GLYATL2: variants seen among roughly 807,000 people sequenced by gnomAD.
The protein encoded by GLYATL2 is glycine-N-acyltransferase like 2.
A neutral mutation model predicts 21.4 loss-of-function variants in GLYATL2; 25 were observed. The observed-to-expected ratio is 1.17, with a 90% CI of 0.85 to 1.63. GLYATL2 has a LOEUF of 1.63. Ranked by LOEUF, GLYATL2 falls within the 40% of genes most tolerant of loss-of-function variation. GLYATL2 has a pLI of 0.00. For synonymous variants in GLYATL2, 114 were observed against 118.2 expected, an observed-to-expected ratio of 0.96 and a Z score of 0.23; for missense variants, 361 against 343.3, an observed-to-expected ratio of 1.05 and a Z score of -0.41.
At chr11:58,873,097 G>T (rs1319391216) in intron 1 of GLYATL2, among the ~76,000 whole-genome samples, 1 of 150,946 alleles carries the variant, frequency 6.6e-6, no homozygotes, top group Non-Finnish European at 1.5e-5. Context: ...GTCTGTTATT[G>T]GTGCATAAGA....
intron 1 of GLYATL2, among the ~76,000 whole-genome samples, chr11:58,876,165 A>C (rs1462028984): frequency 1.3e-5 from 2 of 152,076 alleles, no homozygotes; most frequent in African/African-American, 4.8e-5. Context: ...ACTTCTCTGC[A>C]TTGGTTATTC....
intron 1 of GLYATL2, among the ~76,000 whole-genome samples, chr11:58,901,086 C>T (rs1590757958): frequency 6.6e-6 from 1 of 152,204 alleles, no homozygotes; most frequent in African/African-American, 2.4e-5. Context: ...GGCTTGTGTA[C>T]TCAGGACGGT....
At chr11:58,867,059 C>T (rs1238095926) in intron 1 of GLYATL2, among the ~76,000 whole-genome samples, 1 of 148,814 alleles carries the variant, frequency 6.7e-6, no homozygotes, top group African/African-American at 2.4e-5. Flanking sequence ...GGTGGGGCTC[C>T]ACCAGCCTCC....
chr11:58,904,472 C>T (rs141821098), upstream of GLYATL2, among the ~76,000 whole-genome samples: 311 of 152,308 alleles, frequency 2.0e-3, 3 homozygotes, highest in South Asian at 0.016. Flanking sequence ...CAGAAACTTT[C>T]GACAATACTA....
At chr11:58,906,164 A>G (rs1208486274), upstream of GLYATL2, among the ~76,000 whole-genome samples, 1 of 152,202 alleles carries the variant, frequency 6.6e-6, no homozygotes, top group Non-Finnish European at 1.5e-5. Flanking sequence ...GATGGCCGGC[A>G]GGGGCAGTAG....
intron 1 of GLYATL2, chr11:58,885,114 G>A (rs185394197): frequency 6.5e-6 from 1 of 153,042 alleles, no homozygotes; most frequent in East Asian, 1.9e-4. Context: ...CAATGAAATG[G>A]GAATAATATT....
intron 1 of GLYATL2, among the ~76,000 whole-genome samples, chr11:58,897,247 C>G (rs1172180591): frequency 6.6e-6 from 1 of 152,144 alleles, no homozygotes; most frequent in Non-Finnish European, 1.5e-5. Context: ...CTCCTTCCTT[C>G]CTCACCCTGA....
At chr11:58,901,581 C>T (rs1431688777) in intron 1 of GLYATL2, among the ~76,000 whole-genome samples, 4 of 152,070 alleles carry the variant, frequency 2.6e-5, no homozygotes, top group Admixed American at 2.6e-4. Flanking sequence ...AGACTTCCCC[C>T]ACCCCCACCA....
chr11:58,879,243 T>G (rs559037096), intron 1 of GLYATL2, among the ~76,000 whole-genome samples: 1 of 152,098 alleles, frequency 6.6e-6, no homozygotes, highest in Non-Finnish European at 1.5e-5. Context: ...AATTCTAAAA[T>G]AAGAAATAAA....
At chr11:58,860,112 T>C (rs188357327) in intron 1 of GLYATL2, among the ~76,000 whole-genome samples, 18 of 152,290 alleles carry the variant, frequency 1.2e-4, no homozygotes, top group African/African-American at 4.1e-4. Context: ...TCTTTTGTGA[T>C]TACACATACA....
At chr11:58,888,429 C>A (rs2134619286) in intron 1 of GLYATL2, among the ~76,000 whole-genome samples, 1 of 152,056 alleles carries the variant, frequency 6.6e-6, no homozygotes, top group East Asian at 1.9e-4. Flanking sequence ...TTTAATCTTA[C>A]AGTGAGTTAA....
At chr11:58,838,178 C>T in intron 3 of GLYATL2, 83 bp downstream of exon 3, 1 of 867,224 alleles carries the variant, frequency 1.2e-6, no homozygotes, top group Non-Finnish European at 1.9e-6. Flanking sequence ...CTTCTCACCA[C>T]TCCTCAGTTT....
At chr11:58,857,320 G>A (rs1288969432) in intron 1 of GLYATL2, among the ~76,000 whole-genome samples, 1 of 152,166 alleles carries the variant, frequency 6.6e-6, no homozygotes, top group Non-Finnish European at 1.5e-5. Flanking sequence ...CTTCTTTTGA[G>A]AAATGTCTAT....
intron 1 of GLYATL2, among the ~76,000 whole-genome samples, chr11:58,873,116 G>A (rs1483738834): frequency 6.6e-6 from 1 of 150,822 alleles, no homozygotes; most frequent in Non-Finnish European, 1.5e-5. Flanking sequence ...GAATGCTTGT[G>A]ATTTTTGCAC....
At chr11:58,867,442 TGAAA>T (rs1171039551) in intron 1 of GLYATL2, among the ~76,000 whole-genome samples, 1 of 148,440 alleles carries the variant, frequency 6.7e-6, no homozygotes, top group Non-Finnish European at 1.5e-5. Flanking sequence ...GGACACTTTG[TGAAA>T]GTGGGTCAAT....
upstream of GLYATL2, among the ~76,000 whole-genome samples, chr11:58,849,421 A>G (rs1259836745): frequency 2.0e-5 from 3 of 152,140 alleles, no homozygotes; most frequent in Admixed American, 6.6e-5. Flanking sequence ...CACCTGGCCT[A>G]TATATCAATA....
At chr11:58,838,142 C>T in intron 3 of GLYATL2, 119 bp downstream of exon 3, 2 of 647,962 alleles carry the variant, frequency 3.1e-6, no homozygotes, top group South Asian at 2.0e-5. Flanking sequence ...CTTCCAAAAC[C>T]TGCATACATC....
chr11:58,843,243 T>C (rs1333017075), intron 1 of GLYATL2, among the ~76,000 whole-genome samples: 1 of 152,152 alleles, frequency 6.6e-6, no homozygotes, highest in East Asian at 1.9e-4. Flanking sequence ...TTTTCCTATT[T>C]CCAAAATCAC....
At chr11:58,838,786 A>G (rs1243106405) in intron 2 of GLYATL2, among the ~76,000 whole-genome samples, 2 of 152,188 alleles carry the variant, frequency 1.3e-5, no homozygotes, top group Non-Finnish European at 2.9e-5. Context: ...TAGAGAGTAC[A>G]TAGTTCAACC....
Sources: gnomAD v4.1 joint callset for allele counts (sites outside exome capture counted in the v4.1 genomes callset) on GRCh38, gnomAD v4.1.1 for gene constraint, MANE v1.5 for transcripts, NCBI Gene and HGNC (gene_info 2026-07-23, HGNC 2026-07-21) for gene names.